The following GLRA1 variants were observed in gnomAD, a reference collection of about 807,000 sequenced individuals.
The protein encoded by GLRA1 is glycine receptor alpha 1.
Under a neutral mutation model 48.3 loss-of-function variants are expected in GLRA1, and 37 were observed. The ratio of observed to expected loss-of-function variants is 0.77; its 90% CI spans 0.59 to 1.01. The LOEUF is 1.01. Ranked by LOEUF, GLRA1 falls within the 50% of genes least tolerant of loss-of-function variation. The probability of loss-of-function intolerance (pLI) is 0.00; values close to 1 mark genes in which losing one functional copy is unlikely to be tolerated. For missense variants in GLRA1, 427 were observed against 571.0 expected (o/e 0.75, Z 2.57); for synonymous variants, 196 against 210.7 (o/e 0.93, Z 0.60).
chr5:151,880,017 T>G (rs1301597799), intron 3 of GLRA1, among the ~76,000 whole-genome samples: 1 of 152,192 alleles, frequency 6.6e-6, no homozygotes, highest in East Asian at 1.9e-4. Flanking sequence ...CTGCACAAGC[T>G]CTCTCTTTGC....
intron 3 of GLRA1, among the ~76,000 whole-genome samples, chr5:151,880,795 A>G (rs560798200): frequency 3.3e-4 from 51 of 152,244 alleles, no homozygotes; most frequent in Non-Finnish European, 6.6e-4. Context: ...ATGTACACAC[A>G]TGTAAACATG....
intron 7 of GLRA1, among the ~76,000 whole-genome samples, chr5:151,845,417 G>T (rs1302680445): frequency 6.6e-6 from 1 of 152,162 alleles, no homozygotes; most frequent in Non-Finnish European, 1.5e-5. Context: ...GAGTGGAGCA[G>T]AAATGCAGAC....
At chr5:151,863,641 C>G (rs758573427) in intron 3 of GLRA1, among the ~76,000 whole-genome samples, 1 of 152,080 alleles carries the variant, frequency 6.6e-6, no homozygotes, top group Non-Finnish European at 1.5e-5. Flanking sequence ...TGCTTTCCTC[C>G]AAGGAATAAT....
intron 3 of GLRA1, among the ~76,000 whole-genome samples, chr5:151,862,125 C>G (rs1160046744): frequency 1.3e-5 from 2 of 152,094 alleles, no homozygotes; most frequent in Non-Finnish European, 2.9e-5. Context: ...GAAATAATAC[C>G]ACACATCTAC....
In GLRA1 at chr5:151,835,027, C is replaced by CAAAAAAA. The variant is rs60718344; in HGVS notation, c.913-5967_913-5961dup. Reference sequence around the variant, plus strand: ...TGGGCGACAGAGCGAGACAACATCTCAAAAAAAAAAAAAAAAAAAAAAAGA... The same window carrying CAAAAAAA: ...TGGGCGACAGAGCGAGACAACATCTCAAAAAAAAAAAAAAAAAAAAAAAAAAAAAAGA... On this transcript the variant is annotated intron_variant, in intron 7 of 8. Coordinates refer to ENST00000274576, the MANE Select transcript of GLRA1 (RefSeq NM_000171.4). 4.4e-4 allele frequency among the ~76,000 whole-genome samples: 23 copies of CAAAAAAA among 52,516 alleles called. 1 individual carries two copies. The highest frequency in any genetic ancestry group is 1.0e-3 in the Admixed American group (4 of 3,872). The allele number at this position is 52,516 out of a possible 152,430, so 34.5% of individuals were successfully genotyped here.
At chr5:151,859,760 G>A (rs1753146058) in intron 4 of GLRA1, 25 bp downstream of exon 4, 1 of 1,480,300 alleles carries the variant, frequency 6.8e-7, no homozygotes, top group South Asian at 1.1e-5. Context: ...TGAGCAGGGA[G>A]TGGGTGAACC....
At chr5:151,891,002 A>T (rs1457270610) in intron 2 of GLRA1, among the ~76,000 whole-genome samples, 1 of 152,180 alleles carries the variant, frequency 6.6e-6, no homozygotes, top group Middle Eastern at 3.2e-3. Context: ...GCACTCTGAG[A>T]AGGGGACTTG....
chr5:151,858,604 G>A (rs1753109789), intron 4 of GLRA1, among the ~76,000 whole-genome samples: 1 of 152,144 alleles, frequency 6.6e-6, no homozygotes, highest in South Asian at 2.1e-4. Flanking sequence ...GAGCGAGGAA[G>A]GCCATGTAAG....
intron 2 of GLRA1, among the ~76,000 whole-genome samples, chr5:151,888,986 G>GT (rs1419888537): frequency 2.0e-5 from 3 of 151,990 alleles, no homozygotes; most frequent in Admixed American, 1.3e-4. Context: ...CTCAGACCAG[G>GT]TTTTTTTTGT....
chr5:151,835,850 A>G (rs991693868), intron 7 of GLRA1, among the ~76,000 whole-genome samples: 1 of 152,228 alleles, frequency 6.6e-6, no homozygotes, highest in Non-Finnish European at 1.5e-5. Context: ...TGCAGCCAGT[A>G]TCATATAGAA....
chr5:151,843,814 A>G (rs1231163787), intron 7 of GLRA1, among the ~76,000 whole-genome samples: 2 of 152,216 alleles, frequency 1.3e-5, no homozygotes, highest in African/African-American at 2.4e-5. Context: ...TATCAATTCA[A>G]CAGGGAAAAG....
At chr5:151,898,202 T>C (rs996244976) in intron 1 of GLRA1, among the ~76,000 whole-genome samples, 33 of 152,152 alleles carry the variant, frequency 2.2e-4, no homozygotes, top group African/African-American at 7.2e-4. Flanking sequence ...TATGAGTCTA[T>C]AATATTCCTT....
At chr5:151,829,888 CAT>C (rs879476714) in intron 7 of GLRA1, among the ~76,000 whole-genome samples, 5 of 152,226 alleles carry the variant, frequency 3.3e-5, no homozygotes, top group African/African-American at 7.2e-5. Flanking sequence ...CACATCGTAA[CAT>C]GTATCAGTAT....
At chr5:151,899,515 G>A (rs892612328) in intron 1 of GLRA1, among the ~76,000 whole-genome samples, 1 of 152,064 alleles carries the variant, frequency 6.6e-6, no homozygotes, top group African/African-American at 2.4e-5. Flanking sequence ...GGGCTGAGCT[G>A]GGCTGGCACT....
At chr5:151,840,685 T>A (rs1191154949) in intron 7 of GLRA1, among the ~76,000 whole-genome samples, 1 of 144,938 alleles carries the variant, frequency 6.9e-6, no homozygotes, top group African/African-American at 2.6e-5. Flanking sequence ...ACATACCATG[T>A]AAACAGTAAC....
chr5:151,924,086 TC>T (rs1754946311), intron 1 of GLRA1, among the ~76,000 whole-genome samples: 2 of 152,218 alleles, frequency 1.3e-5, no homozygotes, highest in South Asian at 4.1e-4. Context: ...GCTGAGGTTT[TC>T]GGCACTGCGG....
intron 4 of GLRA1, among the ~76,000 whole-genome samples, chr5:151,857,392 T>A (rs1431051108): frequency 2.6e-5 from 4 of 152,208 alleles, no homozygotes; most frequent in Non-Finnish European, 5.9e-5. Context: ...TGGAGACCTG[T>A]CTTTAGCAAG....
rs970954166 is a variant in GLRA1, at chr5:151,870,437, G to A, written c.253-10429C>T. Among the ~76,000 whole-genome samples, 38 of 149,848 alleles carry A rather than the reference G, an allele frequency of 2.5e-4. 4 individuals carry two copies. The highest frequency in any genetic ancestry group is 9.4e-4 in the African/African-American group (37 of 39,200). On this transcript the variant is annotated intron_variant, in intron 3 of 8. Transcript: ENST00000274576. The stretch of plus-strand genomic sequence containing the variant: ...GAGTTAAAAAACAAACAACGGAGAT[G>A]AATATGCAATGGAGGGATTTGCATG...
rs1338131195 is a variant in GLRA1 at position 151,822,816 on chromosome 5, C to G, written c.1207G>C (p.Glu403Gln). ...CTCTGGATGAAGAGTTTTCGCATCT[C>G]CTCTGGGGACTTAGATGGTGCAGGA... The part of the protein sequence containing the change: ...PPPAPSKSPE[E>Q]MRKLFIQRAK... The change falls in exon 9 of 9, where the codon GAG (glutamate) becomes CAG (glutamine). Residue 403 changes from glutamate (E) to glutamine (Q), a missense_variant. Physicochemically the swap from Glu to Gln is conservative, Grantham distance 29. This residue lies in a region of GLRA1 where 121 missense variants were observed against 96.5 expected (regional missense o/e 1.25). Coordinates refer to ENST00000274576, the MANE Select transcript of GLRA1 (RefSeq NM_000171.4). The G allele has an allele frequency of 2.5e-6, 4 of 1,613,352 alleles. No homozygotes were observed. In the African/African-American group the frequency reaches 4.0e-5, roughly 16 times the overall value.
Sources: gnomAD v4.1 joint callset for allele counts (sites outside exome capture counted in the v4.1 genomes callset) on GRCh38, gnomAD v4.1.1 for gene constraint, gnomAD v4.1.1 regional missense constraint, MANE v1.5 for transcripts, NCBI Gene and HGNC (gene_info 2026-07-23, HGNC 2026-07-21) for gene names.